The following COL18A1 variants were observed in gnomAD, a reference collection of about 807,000 sequenced individuals.
The protein encoded by COL18A1 is collagen type XVIII alpha 1 chain, also known as collagen alpha-1(XVIII) chain.
Under a neutral mutation model 168.0 loss-of-function variants are expected in COL18A1, and 133 were observed. The observed-to-expected ratio is 0.79, with a 90% confidence interval of 0.69 to 0.91. The LOEUF (loss-of-function observed/expected upper bound fraction) is 0.91, where lower values mean the gene tolerates loss of function less well. Ranked by LOEUF, COL18A1 falls within the 40% of genes least tolerant of loss-of-function variation. The probability of loss-of-function intolerance (pLI) is 0.00; values close to 1 mark genes in which losing one functional copy is unlikely to be tolerated. For synonymous variants in COL18A1, 949 were observed against 809.0 expected (o/e 1.17, Z -2.94); for missense variants, 2,126 against 1,925.4 (o/e 1.10, Z -1.95).
At chr21:45,469,224 C>G (rs1036500590) in intron 3 of COL18A1, among the ~76,000 whole-genome samples, 1 of 152,238 alleles carries the variant, frequency 6.6e-6, no homozygotes, top group African/African-American at 2.4e-5. Flanking sequence ...TCTGACCGGC[C>G]GGTCGGGTAA....
At chr21:45,459,939 A>T (rs112062425) in intron 2 of COL18A1, among the ~76,000 whole-genome samples, 1 of 152,164 alleles carries the variant, frequency 6.6e-6, no homozygotes, top group African/African-American at 2.4e-5. Context: ...TTTGCTCTCT[A>T]CACCCCTCCT....
At chr21:45,455,065 C>T (rs147228654) in intron 2 of COL18A1, among the ~76,000 whole-genome samples, 81 of 152,332 alleles carry the variant, frequency 5.3e-4, no homozygotes, top group African/African-American at 1.8e-3. Context: ...TTTTTCGGTT[C>T]CAAGTTTCCC....
chr21:45,418,466 C>T (rs2033512669), intron 2 of COL18A1, among the ~76,000 whole-genome samples: 1 of 152,120 alleles, frequency 6.6e-6, no homozygotes, highest in South Asian at 2.1e-4. Context: ...GGAACAGCTG[C>T]CGGGTGTTTA....
intron 2 of COL18A1, chr21:45,422,532 G>A (rs764185605): frequency 3.3e-5 from 17 of 520,218 alleles, no homozygotes; most frequent in Admixed American, 2.0e-4. Flanking sequence ...ACCTCGCGCC[G>A]TGCCAGGACC....
chr21:45,416,814 C>T (rs1319801747), intron 2 of COL18A1, among the ~76,000 whole-genome samples: 1 of 152,102 alleles, frequency 6.6e-6, no homozygotes, highest in East Asian at 1.9e-4. Context: ...AGCCCCAGCG[C>T]CTGCCCCTGA....
chr21:45,494,716 G>A, intron 27 of COL18A1, 145 bp downstream of exon 27: 1 of 1,354,504 alleles, frequency 7.4e-7, no homozygotes, highest in Non-Finnish European at 1.0e-6. Context: ...GCAGGTGTCG[G>A]CGTGAGGCTG....
rs533060644 is a variant in COL18A1 at position 45,418,897 on chromosome 21, C to A, written c.106+13424C>A. 7.4e-4 allele frequency among the ~76,000 whole-genome samples: 112 copies of A among 152,348 alleles called. 1 individual carries two copies. The highest frequency in any genetic ancestry group is 1.1e-3 in the African/African-American group (46 of 41,586). On this transcript the variant is annotated intron_variant, in intron 2 of 41. Coordinates refer to ENST00000651438, the MANE Select transcript of COL18A1 (RefSeq NM_001379500.1). ...CTTGTGTCATGTGGAACCAGCCAGA[C>A]CCCCCGGACGGCTTGCAGGCAGGGA...
intron 2 of COL18A1, among the ~76,000 whole-genome samples, chr21:45,437,265 C>G: frequency 9.7e-6 from 1 of 103,422 alleles, no homozygotes; most frequent in East Asian, 3.5e-4. Flanking sequence ...CACTCACACA[C>G]TCAGACACAC....
chr21:45,479,229 A>G (rs2035795639), intron 9 of COL18A1, among the ~76,000 whole-genome samples: 1 of 152,158 alleles, frequency 6.6e-6, no homozygotes. Flanking sequence ...ACATGCACAC[A>G]CAGCACATAT....
chr21:45,485,433 C>G (rs1257956761), intron 15 of COL18A1, among the ~76,000 whole-genome samples: 4 of 151,858 alleles, frequency 2.6e-5, no homozygotes, highest in Non-Finnish European at 5.9e-5. Flanking sequence ...GAGTTCAAGG[C>G]TATAGTAAGC....
rs2037436002 is a variant in COL18A1, at chr21:45,509,368, G to A, written c.3262G>A (p.Ala1088Thr). The A allele has an allele frequency of 1.9e-6, 3 of 1,545,348 alleles. No individual in the cohort carries two copies. The highest frequency in any genetic ancestry group is 1.7e-6 in the Non-Finnish European group (2 of 1,146,622). ...PLPRGTDNEVAALQPPVVQLH... is the reference protein window; with the variant it reads ...PLPRGTDNEVTALQPPVVQLH... ...CTCCCACCTGCAGGACAATGAAGTG[G>A]CCGCCTTGCAGCCCCCCGTGGTGCA... Residue 1088 changes from alanine (A) to threonine (T), a missense_variant, in exon 39 of 42, where the codon GCC (alanine) becomes ACC (threonine). Transcript: ENST00000651438.
chr21:45,437,860 TCA>T (rs1313716218), intron 2 of COL18A1, among the ~76,000 whole-genome samples: 3 of 28,858 alleles, frequency 1.0e-4, no homozygotes, highest in Non-Finnish European at 1.1e-4. Flanking sequence ...ACACTCACAC[TCA>T]CACTCAGACA....
intron 17 of COL18A1, 193 bp downstream of exon 17, chr21:45,487,702 A>G: frequency 1.4e-6 from 1 of 732,210 alleles, no homozygotes; most frequent in South Asian, 1.5e-5. Flanking sequence ...TCATTGAACT[A>G]AAGTCACGGG....
rs537935683 is a variant in COL18A1, at chr21:45,451,387, G to A, written c.107-16855G>A. Among the ~76,000 whole-genome samples the A allele has an allele frequency of 7.9e-5, 12 of 152,320 alleles. No homozygotes were observed. The South Asian group carries it at 2.3e-3, about 29-fold the overall frequency. On this transcript the variant is annotated intron_variant, in intron 2 of 41. Coordinates refer to ENST00000651438, the MANE Select transcript of COL18A1 (RefSeq NM_001379500.1). ...TTGGCTTCCAGGAAGGGAGCCCCTT[G>A]GCCCTCCTGTTGTCATAACTGAGAG...
chr21:45,469,720 G>A (rs1394569109), intron 3 of COL18A1, among the ~76,000 whole-genome samples: 1 of 152,224 alleles, frequency 6.6e-6, no homozygotes. Context: ...CCTGCAGCTG[G>A]ACGCCCCTGC....
intron 2 of COL18A1, among the ~76,000 whole-genome samples, chr21:45,434,683 C>G (rs1309373507): frequency 6.6e-6 from 1 of 152,246 alleles, no homozygotes; most frequent in East Asian, 1.9e-4. Context: ...CCACCTCCTT[C>G]CTAACCAAAG....
In COL18A1 at chr21:45,505,122, C is replaced by G. The variant is rs755471740; in HGVS notation, c.2869-12C>G. 2 of 1,606,740 alleles carry G rather than the reference C, an allele frequency of 1.2e-6. No individual in the cohort carries two copies. The highest frequency in any genetic ancestry group is 1.7e-6 in the Non-Finnish European group (2 of 1,178,344). Reference sequence around the variant, plus strand: ...GAGGTAACCAGGAAGCGTCTCTTGTCGCCGTCCGTAGGGTCCCAAGGGAGA... The same window carrying G: ...GAGGTAACCAGGAAGCGTCTCTTGTGGCCGTCCGTAGGGTCCCAAGGGAGA... On this transcript the variant is annotated splice_polypyrimidine_tract_variant and intron_variant, in intron 34 of 41. Transcript: ENST00000651438.
intron 2 of COL18A1, among the ~76,000 whole-genome samples, chr21:45,439,712 C>CCAA (rs1295862982): frequency 5.9e-5 from 9 of 152,146 alleles, no homozygotes; most frequent in Admixed American, 1.3e-4. Flanking sequence ...CCAGCCTGGG[C>CCAA]GGCTTTGGGC....
In COL18A1 at chr21:45,437,974, ACT is replaced by A. The variant is rs1282735767; in HGVS notation, c.107-30266_107-30265del. Among the ~76,000 whole-genome samples the A allele has an allele frequency of 5.1e-4, 35 of 68,462 alleles. 4 individuals are homozygous for A. The highest frequency in any genetic ancestry group is 6.6e-4 in the African/African-American group (7 of 10,584). The allele number at this position is 68,462 out of a possible 152,430, so 44.9% of individuals were successfully genotyped here. On this transcript the variant is annotated intron_variant, in intron 2 of 41. Coordinates refer to ENST00000651438, the MANE Select transcript of COL18A1 (RefSeq NM_001379500.1). The stretch of plus-strand genomic sequence containing the variant: ...CACAGGCACTCTCCTGCACACACAC[ACT>A]CACACACTCAGACACACAGGCACTC...
Sources: allele counts gnomAD v4.1 joint callset (sites outside exome capture counted in the v4.1 genomes callset), GRCh38; gene constraint gnomAD v4.1.1; transcripts MANE v1.5; gene names NCBI Gene and HGNC (gene_info 2026-07-23, HGNC 2026-07-21).